COL22A1: variants seen among roughly 807,000 people sequenced by gnomAD.
COL22A1 encodes the protein collagen alpha-1(XXII) chain.
Under a neutral mutation model 248.9 loss-of-function variants are expected in COL22A1, and 221 were observed. That is an observed-to-expected ratio of 0.89 (90% CI 0.80 to 0.99). The LOEUF (loss-of-function observed/expected upper bound fraction) is 0.99, where lower values mean the gene tolerates loss of function less well. Ranked by LOEUF, COL22A1 falls within the 50% of genes least tolerant of loss-of-function variation. COL22A1 has a pLI of 0.00. For synonymous variants in COL22A1, 891 were observed against 793.4 expected (o/e 1.12, Z -2.07); for missense variants, 2,240 against 2,179.0 (o/e 1.03, Z -0.56).
chr8:138,694,396 G>A (rs779446653), intron 34 of COL22A1, 112 bp downstream of exon 34: 79 of 1,086,266 alleles, frequency 7.3e-5, no homozygotes, highest in Admixed American at 4.2e-4. Flanking sequence ...TCTGCCCAGC[G>A]TCTACTCCCA....
At chr8:138,756,100 G>A (rs952492429) in intron 18 of COL22A1, among the ~76,000 whole-genome samples, 1 of 152,122 alleles carries the variant, frequency 6.6e-6, no homozygotes, top group Non-Finnish European at 1.5e-5. Flanking sequence ...CTAGATTTGG[G>A]TCATGTTCCA....
intron 4 of COL22A1, among the ~76,000 whole-genome samples, chr8:138,840,944 T>C (rs1820836578): frequency 6.6e-6 from 1 of 152,204 alleles, no homozygotes; most frequent in East Asian, 1.9e-4. Flanking sequence ...TAATTGCTAT[T>C]CTTCAGCCTA....
chr8:138,756,718 G>T (rs1007180750), intron 18 of COL22A1, among the ~76,000 whole-genome samples: 10 of 151,970 alleles, frequency 6.6e-5, no homozygotes, highest in Admixed American at 1.3e-4. Context: ...AGAGTGAATG[G>T]CTCAAGACAC....
intron 41 of COL22A1, 100 bp downstream of exon 41, chr8:138,676,458 G>GAAAGAAAGAAAGGAAGGAAGA (rs1564179990): frequency 2.6e-5 from 4 of 154,542 alleles, no homozygotes; most frequent in Non-Finnish European, 3.6e-5. Flanking sequence ...AGAAAGAAAG[G>GAAAGAAAGAAAGGAAGGAAGA]AAGAAAGAAA....
intron 30 of COL22A1, among the ~76,000 whole-genome samples, chr8:138,714,734 T>A (rs1244431804): frequency 6.6e-6 from 1 of 152,182 alleles, no homozygotes; most frequent in Non-Finnish European, 1.5e-5. Flanking sequence ...CAACGAAGCC[T>A]CTCTGTGCAC....
At chr8:138,894,151 C>T (rs1825243518) in intron 1 of COL22A1, among the ~76,000 whole-genome samples, 1 of 152,154 alleles carries the variant, frequency 6.6e-6, no homozygotes. Flanking sequence ...AAGGAAAGAA[C>T]ATTAACAAGA....
chr8:138,698,157 C>A (rs765321614), intron 32 of COL22A1, among the ~76,000 whole-genome samples: 1 of 152,112 alleles, frequency 6.6e-6, no homozygotes, highest in African/African-American at 2.4e-5. Context: ...GGGAGGCCCA[C>A]AGATGTCAGG....
chr8:138,866,370 A>G (rs1822892077), intron 3 of COL22A1, among the ~76,000 whole-genome samples: 1 of 152,094 alleles, frequency 6.6e-6, no homozygotes, highest in Non-Finnish European at 1.5e-5. Flanking sequence ...TCTTACATAA[A>G]TGCACATTTA....
intron 32 of COL22A1, 51 bp downstream of exon 32, chr8:138,700,061 G>A: frequency 6.4e-7 from 1 of 1,574,432 alleles, no homozygotes; most frequent in Non-Finnish European, 8.7e-7. Context: ...ACTGGACATT[G>A]CCCTCCAGGC....
chr8:138,701,312 A>G lies in COL22A1; in HGVS notation c.2560-1168T>C, dbSNP rs150286206. On this transcript the variant is annotated intron_variant, in intron 31 of 64. Coordinates refer to ENST00000303045, the MANE Select transcript of COL22A1 (RefSeq NM_152888.3). ...TAGTTTATCTTCTTGACTAGGCTAC[A>G]AGCCCTGACAGATCTGATCCATGCA... Among the ~76,000 whole-genome samples the G allele has an allele frequency of 5.8e-3, 890 of 152,322 alleles. 8 individuals carry two copies. Among genetic ancestry groups the G allele is most frequent in the African/African-American group, 0.021 (855 of 41,566 alleles).
At chr8:138,614,154 A>C (rs1819125611) in intron 55 of COL22A1, among the ~76,000 whole-genome samples, 1 of 152,208 alleles carries the variant, frequency 6.6e-6, no homozygotes, top group African/African-American at 2.4e-5. Context: ...GTTACTTCTT[A>C]GACATCCTCC....
rs751300822 is a variant in COL22A1 at position 138,737,581 on chromosome 8, A to T, written c.2086-4T>A. The T allele has an allele frequency of 2.5e-6, 4 of 1,606,082 alleles. No individual in the cohort carries two copies. The highest frequency in any genetic ancestry group is 2.6e-6 in the Non-Finnish European group (3 of 1,173,154). ...GTCCCATGTCACCTTTCTTCCCCTG[A>T]GTGTAAAAGAAGAAGCTAAAATTAA... On this transcript the variant is annotated splice_region_variant and splice_polypyrimidine_tract_variant and intron_variant, in intron 22 of 64. Transcript: ENST00000303045.
At chr8:138,607,876 T>A (rs1312866246) in intron 57 of COL22A1, 60 bp downstream of exon 57, 3 of 1,476,148 alleles carry the variant, frequency 2.0e-6, no homozygotes, top group Non-Finnish European at 2.8e-6. Context: ...TGTAATGTGA[T>A]CCACAAGCCC....
chr8:138,617,888 A>G (rs1260458871), intron 53 of COL22A1, among the ~76,000 whole-genome samples: 1 of 152,212 alleles, frequency 6.6e-6, no homozygotes, highest in Admixed American at 6.5e-5. Flanking sequence ...ATAAGACTGA[A>G]TAAGGACTGC....
intron 16 of COL22A1, 75 bp downstream of exon 16, chr8:138,775,891 G>T: frequency 1.5e-6 from 2 of 1,357,148 alleles, no homozygotes; most frequent in South Asian, 1.2e-5. Flanking sequence ...AGCATACACA[G>T]AGCAGATGGT....
At chr8:138,710,387 A>G (rs1586533184) in intron 30 of COL22A1, among the ~76,000 whole-genome samples, 2 of 152,296 alleles carry the variant, frequency 1.3e-5, no homozygotes, top group South Asian at 2.1e-4. Flanking sequence ...CCTTCCAAAT[A>G]TGGTTATGAA....
chr8:138,701,477 CCT>C (rs1384032753), intron 31 of COL22A1, among the ~76,000 whole-genome samples: 2 of 152,136 alleles, frequency 1.3e-5, no homozygotes, highest in South Asian at 2.1e-4. Flanking sequence ...GTCCCCAACC[CCT>C]GTCCCTTTTC....
chr8:138,767,330 A>C (rs1421522681), intron 16 of COL22A1, among the ~76,000 whole-genome samples: 2 of 152,116 alleles, frequency 1.3e-5, no homozygotes, highest in Non-Finnish European at 2.9e-5. Flanking sequence ...CAGAGGAGGG[A>C]AGGGACAGGT....
intron 7 of COL22A1, among the ~76,000 whole-genome samples, chr8:138,819,131 T>C (rs112745805): frequency 6.6e-6 from 1 of 152,218 alleles, no homozygotes; most frequent in Non-Finnish European, 1.5e-5. Flanking sequence ...ATCATTCTGT[T>C]AACAAAGCAA....
Sources: allele counts gnomAD v4.1 joint callset (sites outside exome capture counted in the v4.1 genomes callset), GRCh38; gene constraint gnomAD v4.1.1; transcripts MANE v1.5; gene names NCBI Gene and HGNC (gene_info 2026-07-23, HGNC 2026-07-21).